MYO1D: variants seen among roughly 807,000 people sequenced by gnomAD.
MYO1D encodes unconventional myosin-Id.
Under a neutral mutation model 122.0 loss-of-function variants are expected in MYO1D, and 83 were observed. The observed-to-expected ratio is 0.68, with a 90% CI of 0.57 to 0.82. The LOEUF is 0.82. MYO1D is among the 40% of genes least tolerant of loss of function. The pLI is 0.00. For synonymous variants in MYO1D, 464 were observed against 446.9 expected (o/e 1.04, Z -0.48); for missense variants, 1,157 against 1,269.5 (o/e 0.91, Z 1.35).
At chr17:32,704,041 G>A (rs1188723840) in intron 16 of MYO1D, among the ~76,000 whole-genome samples, 1 of 152,156 alleles carries the variant, frequency 6.6e-6, no homozygotes, top group Non-Finnish European at 1.5e-5. Context: ...CTCCATCCAC[G>A]TGTTTGCTGC....
At chr17:32,822,379 TAGGGGGA>T (rs2090674123) in intron 1 of MYO1D, among the ~76,000 whole-genome samples, 2 of 39,978 alleles carry the variant, frequency 5.0e-5, no homozygotes, top group Non-Finnish European at 1.0e-4. Flanking sequence ...TGTTGTGGGG[TAGGGGGA>T]GGGGGGAGGG....
At chr17:32,568,888 C>T (rs1191252294) in intron 21 of MYO1D, among the ~76,000 whole-genome samples, 1 of 152,218 alleles carries the variant, frequency 6.6e-6, no homozygotes, top group African/African-American at 2.4e-5. Flanking sequence ...CCTCTATGCT[C>T]CTATGCATCT....
At chr17:32,858,071 T>C (rs565390216) in intron 1 of MYO1D, among the ~76,000 whole-genome samples, 6 of 152,206 alleles carry the variant, frequency 3.9e-5, no homozygotes, top group Non-Finnish European at 7.3e-5. Flanking sequence ...CTTTAAAATA[T>C]GCATTTAGAC....
At chr17:32,715,651 CAAAAAT>C (rs1009341672) in intron 15 of MYO1D, among the ~76,000 whole-genome samples, 2 of 151,842 alleles carry the variant, frequency 1.3e-5, no homozygotes, top group Admixed American at 1.3e-4. Flanking sequence ...AATATAAAAA[CAAAAAT>C]ATGTATATTT....
chr17:32,540,866 T>C lies in MYO1D; in HGVS notation c.2865-45951A>G, dbSNP rs528735825. Among the ~76,000 whole-genome samples the C allele has an allele frequency of 3.8e-3, 552 of 146,832 alleles. 5 individuals are homozygous for C. Among genetic ancestry groups the C allele is most frequent in the African/African-American group, 0.014 (538 of 39,382 alleles). ...GCTTGAACCTGTAAGGCAGAGGTTG[T>C]AGTGAGCCGAGATTGTGCCACTGCA... is the stretch of plus-strand genomic sequence containing the variant. On this transcript the variant is annotated intron_variant, in intron 21 of 21. Coordinates refer to ENST00000318217, the MANE Select transcript of MYO1D (RefSeq NM_015194.3).
At chr17:32,737,482 T>G (rs2032755) in intron 14 of MYO1D, among the ~76,000 whole-genome samples, 53,501 of 151,598 alleles carry the variant, frequency 0.35, 10,825 homozygotes, top group East Asian at 0.54. Flanking sequence ...CACCTTAGCC[T>G]CCAGAGTACC....
In MYO1D at chr17:32,876,787, A is replaced by T; in HGVS notation, c.86T>A (p.Leu29His). 1 of 1,513,570 alleles carries T rather than the reference A, an allele frequency of 6.6e-7. No individual in the cohort carries two copies. The allele number at this position is 1,513,570 out of a possible 1,614,324, so 93.8% of individuals were successfully genotyped here. A position where few individuals can be genotyped will look rare whatever the true frequency, so the allele number is the denominator to read the frequency against. ...GCCGCTCCGCCCTCACCTGAGCCTG[A>T]GGTTGGCCATGAACTCGGGCATGGA... ...TVSMPEFMAN[L>H]RLRFEKGRIY... is the part of the protein sequence containing the mutation. The change falls in exon 1 of 22, where the codon CTC (leucine) becomes CAC (histidine). Residue 29 changes from leucine to histidine, a missense_variant. Physicochemically the swap from Leu to His is moderately conservative, Grantham distance 99. Transcript: ENST00000318217.
intron 1 of MYO1D, among the ~76,000 whole-genome samples, chr17:32,845,085 G>A (rs1029070742): frequency 1.3e-5 from 2 of 150,520 alleles, no homozygotes; most frequent in African/African-American, 2.4e-5. Context: ...AAACATTGTC[G>A]ATGGCTATTC....
intron 16 of MYO1D, among the ~76,000 whole-genome samples, chr17:32,708,787 G>A (rs2089339440): frequency 1.3e-5 from 2 of 152,174 alleles, no homozygotes; most frequent in South Asian, 4.1e-4. Context: ...AGAGAAGACT[G>A]GACAGCTTTC....
At chr17:32,688,180 C>T (rs1185937444) in intron 16 of MYO1D, among the ~76,000 whole-genome samples, 1 of 152,144 alleles carries the variant, frequency 6.6e-6, no homozygotes, top group Non-Finnish European at 1.5e-5. Flanking sequence ...GCCTTCCTTG[C>T]CCACTCAAGA....
intron 4 of MYO1D, 62 bp downstream of exon 4, chr17:32,775,796 CTATAAA>C (rs1244609032): frequency 7.0e-6 from 9 of 1,283,354 alleles, no homozygotes; most frequent in Non-Finnish European, 8.6e-6. Context: ...AAAATAAATT[CTATAAA>C]TATAATTTGT....
intron 19 of MYO1D, among the ~76,000 whole-genome samples, chr17:32,640,811 A>G (rs1032108457): frequency 2.6e-5 from 4 of 151,952 alleles, no homozygotes; most frequent in Admixed American, 6.6e-5. Context: ...AGGTTTTGTG[A>G]AAGTAAGGGT....
At chr17:32,587,956 G>T (rs1487164827) in intron 21 of MYO1D, among the ~76,000 whole-genome samples, 1 of 152,164 alleles carries the variant, frequency 6.6e-6, no homozygotes, top group African/African-American at 2.4e-5. Context: ...AATCCTCAAA[G>T]GCTATTAATT....
At chr17:32,708,305 T>A (rs1211944661) in intron 16 of MYO1D, among the ~76,000 whole-genome samples, 1 of 152,218 alleles carries the variant, frequency 6.6e-6, no homozygotes, top group Non-Finnish European at 1.5e-5. Context: ...TCAAAAAGGA[T>A]GGCCACCACA....
At chr17:32,564,213 T>G (rs2087151771) in intron 21 of MYO1D, among the ~76,000 whole-genome samples, 1 of 152,232 alleles carries the variant, frequency 6.6e-6, no homozygotes, top group South Asian at 2.1e-4. Context: ...TGGATCCTCA[T>G]GCCCTCTGCT....
chr17:32,796,611 G>A (rs2090419355), intron 1 of MYO1D, among the ~76,000 whole-genome samples: 2 of 152,034 alleles, frequency 1.3e-5, no homozygotes, highest in South Asian at 4.1e-4. Context: ...CGGGGTTTTT[G>A]CCATGTTGCC....
chr17:32,872,776 A>C (rs2091193027), intron 1 of MYO1D, among the ~76,000 whole-genome samples: 1 of 144,536 alleles, frequency 6.9e-6, no homozygotes, highest in Admixed American at 6.9e-5. Context: ...GGCTCACTGC[A>C]AGCTCCGCTT....
chr17:32,731,808 T>C (rs1392424766), intron 14 of MYO1D, among the ~76,000 whole-genome samples: 2 of 152,116 alleles, frequency 1.3e-5, no homozygotes, highest in Admixed American at 6.5e-5. Flanking sequence ...CCTGTGCTCT[T>C]GGGGGCTGGG....
chr17:32,758,398 C>T (rs1035013306), intron 10 of MYO1D, among the ~76,000 whole-genome samples: 8 of 151,982 alleles, frequency 5.3e-5, no homozygotes, highest in African/African-American at 1.7e-4. Flanking sequence ...AACATGTATA[C>T]TGACTGGATA....
Sources: gnomAD v4.1 joint callset for allele counts (sites outside exome capture counted in the v4.1 genomes callset) on GRCh38, gnomAD v4.1.1 for gene constraint, MANE v1.5 for transcripts, NCBI Gene and HGNC (gene_info 2026-07-23, HGNC 2026-07-21) for gene names.